Variants in RPH3A observed in about 807,000 individuals in gnomAD.
The protein encoded by RPH3A is rabphilin 3A.
A neutral mutation model predicts 102.2 loss-of-function variants in RPH3A; 48 were observed. The observed-to-expected ratio is 0.47, with a 90% CI of 0.37 to 0.60. The LOEUF is 0.60. Among genes scored for constraint, RPH3A ranks in the 20% least tolerant of loss-of-function variants. The probability of loss-of-function intolerance (pLI) is 0.00; values close to 1 mark genes in which losing one functional copy is unlikely to be tolerated. For missense variants in RPH3A, 781 were observed against 910.1 expected (o/e 0.86, Z 1.83); for synonymous variants, 310 against 324.3 (o/e 0.96, Z 0.47).
At chr12:112,754,507 T>C (rs2136062896) in intron 1 of RPH3A, among the ~76,000 whole-genome samples, 1 of 152,032 alleles carries the variant, frequency 6.6e-6, no homozygotes, top group African/African-American at 2.4e-5. Context: ...AAAAAATAAG[T>C]AAGGGTAGAA....
At chr12:112,697,822 G>A (rs1211954630) in intron 1 of RPH3A, among the ~76,000 whole-genome samples, 3 of 152,036 alleles carry the variant, frequency 2.0e-5, no homozygotes, top group Admixed American at 1.3e-4. Flanking sequence ...CTGAGATCAT[G>A]GCACTGCACT....
chr12:112,747,676 G>A (rs1000334040), intron 1 of RPH3A, among the ~76,000 whole-genome samples: 1 of 152,292 alleles, frequency 6.6e-6, no homozygotes, highest in Admixed American at 6.5e-5. Flanking sequence ...TGCCCCCATA[G>A]CACCCTGCCC....
chr12:112,813,197 T>C (rs1372901425), intron 2 of RPH3A: 1 of 152,204 alleles, frequency 6.6e-6, no homozygotes, highest in African/African-American at 2.4e-5. Context: ...GCCTCTGCAC[T>C]CTTTTGCCTC....
intron 1 of RPH3A, among the ~76,000 whole-genome samples, chr12:112,629,263 T>C (rs910828357): frequency 6.6e-6 from 1 of 152,112 alleles, no homozygotes; most frequent in East Asian, 1.9e-4. Context: ...TGTGATGAGA[T>C]AGTTACTTTT....
At chr12:112,836,793 TC>T (rs1235564721) in intron 4 of RPH3A, among the ~76,000 whole-genome samples, 3 of 152,212 alleles carry the variant, frequency 2.0e-5, no homozygotes, top group African/African-American at 7.2e-5. Context: ...TATTGGCCAC[TC>T]AGTGCCCTTG....
intron 1 of RPH3A, among the ~76,000 whole-genome samples, chr12:112,619,077 A>C (rs559628343): frequency 2.0e-4 from 31 of 152,278 alleles, no homozygotes; most frequent in Middle Eastern, 3.4e-3. Flanking sequence ...AGATGGGTAT[A>C]TCACATTTTA....
intron 1 of RPH3A, among the ~76,000 whole-genome samples, chr12:112,735,814 G>A (rs959569714): frequency 6.6e-6 from 1 of 152,156 alleles, no homozygotes; most frequent in Non-Finnish European, 1.5e-5. Context: ...AATACCTTAA[G>A]TGGCTCCTCA....
At chr12:112,649,104 C>T (rs998667680) in intron 1 of RPH3A, among the ~76,000 whole-genome samples, 2 of 152,216 alleles carry the variant, frequency 1.3e-5, no homozygotes, top group Non-Finnish European at 2.9e-5. Flanking sequence ...TGGGCCAGCA[C>T]GCCAGGCCCC....
chr12:112,638,170 T>G (rs1002730461), intron 1 of RPH3A, among the ~76,000 whole-genome samples: 2 of 152,150 alleles, frequency 1.3e-5, no homozygotes, highest in African/African-American at 4.8e-5. Flanking sequence ...CACCCTTTCT[T>G]GCTTCCTCTC....
intron 17 of RPH3A, among the ~76,000 whole-genome samples, chr12:112,889,309 C>T (rs1398245902): frequency 3.3e-5 from 5 of 152,256 alleles, no homozygotes; most frequent in South Asian, 4.1e-4. Flanking sequence ...TGGCCAGGCC[C>T]TTGCCTGTGT....
intron 1 of RPH3A, among the ~76,000 whole-genome samples, chr12:112,706,169 G>A (rs900583193): frequency 2.6e-5 from 4 of 152,226 alleles, no homozygotes; most frequent in East Asian, 1.9e-4. Flanking sequence ...ATTATGTGCC[G>A]ACAGCATGCA....
chr12:112,621,814 C>A (rs1477236621), intron 1 of RPH3A, among the ~76,000 whole-genome samples: 1 of 151,678 alleles, frequency 6.6e-6, no homozygotes, highest in East Asian at 2.0e-4. Context: ...CCCTGTCTGA[C>A]AGCTTTGAAG....
At chr12:112,820,086 C>T (rs763327652) in intron 2 of RPH3A, among the ~76,000 whole-genome samples, 9 of 152,186 alleles carry the variant, frequency 5.9e-5, no homozygotes, top group Non-Finnish European at 1.2e-4. Context: ...CTGCAGTGAG[C>T]TTACCTCTCT....
intron 2 of RPH3A, among the ~76,000 whole-genome samples, chr12:112,811,523 A>G (rs1031015137): frequency 3.3e-5 from 5 of 150,094 alleles, no homozygotes; most frequent in African/African-American, 1.2e-4. Flanking sequence ...GTGGCACTAA[A>G]TAGAACCCCC....
chr12:112,675,528 G>A (rs1314895428), intron 1 of RPH3A, among the ~76,000 whole-genome samples: 1 of 152,154 alleles, frequency 6.6e-6, no homozygotes, highest in Non-Finnish European at 1.5e-5. Flanking sequence ...ACCTGCTCAA[G>A]GTCCTCCTTC....
At chr12:112,655,563 CTTTTTTTTTTTTTTT>C (rs71086113) in intron 1 of RPH3A, among the ~76,000 whole-genome samples, 1 of 55,570 alleles carries the variant, frequency 1.8e-5, no homozygotes, top group African/African-American at 7.6e-5. Context: ...TTTTGTTGGT[CTTTTTTTTTTTTTTT>C]TTTTTTTTTT....
intron 1 of RPH3A, among the ~76,000 whole-genome samples, chr12:112,766,225 G>A (rs1359743704): frequency 1.3e-5 from 2 of 152,182 alleles, no homozygotes; most frequent in African/African-American, 2.4e-5. Context: ...TACTCATGTT[G>A]TATGGATGGC....
At chr12:112,699,263 C>G (rs1374229431) in intron 1 of RPH3A, among the ~76,000 whole-genome samples, 1 of 152,174 alleles carries the variant, frequency 6.6e-6, no homozygotes, top group South Asian at 2.1e-4. Flanking sequence ...TACTATATGA[C>G]CCAGCAGTCA....
intron 1 of RPH3A, among the ~76,000 whole-genome samples, chr12:112,605,924 T>C (rs1460536618): frequency 6.6e-6 from 1 of 152,230 alleles, no homozygotes; most frequent in Non-Finnish European, 1.5e-5. Flanking sequence ...GTCTGTTCAA[T>C]TTATCCTTTG....
Sources: allele counts gnomAD v4.1 joint callset (sites outside exome capture counted in the v4.1 genomes callset), GRCh38; gene constraint gnomAD v4.1.1; transcripts MANE v1.5; gene names NCBI Gene and HGNC (gene_info 2026-07-23, HGNC 2026-07-21).